Variants in TRIP12 observed in about 807,000 individuals in gnomAD.
The protein encoded by TRIP12 is E3 ubiquitin-protein ligase TRIP12.
TRIP12 carries 25 observed loss-of-function variants against 244.2 expected under a neutral mutation model. The observed-to-expected ratio is 0.10, with a 90% CI of 0.07 to 0.14. The LOEUF (loss-of-function observed/expected upper bound fraction) is 0.14. Ranked by LOEUF, TRIP12 falls within the 10% of genes least tolerant of loss-of-function variation. The pLI, the probability that TRIP12 is intolerant of heterozygous loss-of-function variation, is 1.00. For missense variants in TRIP12, 1,677 were observed against 2,486.4 expected, an observed-to-expected ratio of 0.67 and a Z score of 6.92; for synonymous variants, 905 against 873.1, an observed-to-expected ratio of 1.04 and a Z score of -0.64.
chr2:229,819,529 A>G (rs1439353531), intron 8 of TRIP12, among the ~76,000 whole-genome samples: 1 of 152,220 alleles, frequency 6.6e-6, no homozygotes, highest in Non-Finnish European at 1.5e-5. Context: ...TGGGCCACAG[A>G]CTGAGACTTC....
Position 229,778,300 on chromosome 2 carries a change from C to G in TRIP12, c.5364+133G>C. On this transcript the variant is annotated intron_variant, in intron 36 of 41. Coordinates refer to ENST00000675903, the MANE Select transcript of TRIP12 (RefSeq NM_001348323.3). This position sits in a 1 kb window ranked among gnomAD's most constrained non-coding sequence, Gnocchi z 4.1. The stretch of plus-strand genomic sequence containing the variant: ...AGAACCGGCATTTTTAACAAAATCC[C>G]CAAGTAATTCATATGTGTATTGAAG... 1.7e-6 allele frequency: 2 copies of G among 1,177,324 alleles called. No homozygotes were observed. The highest frequency in any genetic ancestry group is 2.4e-6 in the Non-Finnish European group (2 of 839,102). 72.9% of individuals were successfully genotyped at this position (1,177,324 alleles called of 1,614,324 possible). A position where few individuals can be genotyped will look rare whatever the true frequency, so the allele number is the denominator to read the frequency against.
chr2:229,851,848 G>GTT (rs2058770522), intron 4 of TRIP12, among the ~76,000 whole-genome samples: 1 of 152,156 alleles, frequency 6.6e-6, no homozygotes, highest in South Asian at 2.1e-4. Flanking sequence ...ACAAACTCCA[G>GTT]ACGCGCCACC....
At chr2:229,917,926 G>A (rs2075809170) in intron 1 of TRIP12, among the ~76,000 whole-genome samples, 1 of 151,814 alleles carries the variant, frequency 6.6e-6, no homozygotes, top group Non-Finnish European at 1.5e-5. Flanking sequence ...AGCCTCAAGC[G>A]ATCCTCCCAC....
chr2:229,840,754 T>A (rs1420861606), intron 5 of TRIP12, 68 bp downstream of exon 5: 2 of 1,093,218 alleles, frequency 1.8e-6, no homozygotes, highest in Admixed American at 5.4e-5. Context: ...GTTAAGTATT[T>A]TGATGAAAGT....
At chr2:229,804,751 T>C (rs1260703596) in intron 18 of TRIP12, among the ~76,000 whole-genome samples, 2 of 152,216 alleles carry the variant, frequency 1.3e-5, no homozygotes, top group Admixed American at 6.5e-5. Context: ...CCACCGGTTT[T>C]TGTAAATATA....
intron 21 of TRIP12, among the ~76,000 whole-genome samples, chr2:229,801,494 A>C (rs761405369): frequency 1.5e-4 from 23 of 152,230 alleles, no homozygotes; most frequent in Non-Finnish European, 2.6e-4. Context: ...TCAGTTTAAA[A>C]GGAGCCAGAA....
rs1425284180 is a variant in TRIP12 at position 229,802,384 on chromosome 2, C to T, written c.3074G>A (p.Gly1025Glu). Residue 1025 changes from glycine (G) to glutamate (E), a missense_variant, in exon 21 of 42, where the codon GGA becomes GAA. Transcript: ENST00000675903. ...AGTTGTGGATCCCATGGATCCCGAT[C>T]CATTCGTACATGCCTTTGGTGGACT... ...LTSPPKACTN[G>E]SGSMGSTTSV... 1 of 1,613,906 alleles carries T rather than the reference C, an allele frequency of 6.2e-7. No homozygotes were observed. Among genetic ancestry groups the T allele is most frequent in the Non-Finnish European group, 8.5e-7 (1 of 1,179,994 alleles).
intron 4 of TRIP12, among the ~76,000 whole-genome samples, chr2:229,844,561 T>C (rs1290739311): frequency 2.0e-5 from 3 of 152,178 alleles, no homozygotes; most frequent in Admixed American, 6.5e-5. Context: ...AATCAAAATA[T>C]AGTCTCCCCC....
At chr2:229,909,000 G>C (rs1200560258) in intron 1 of TRIP12, among the ~76,000 whole-genome samples, 1 of 145,416 alleles carries the variant, frequency 6.9e-6, no homozygotes, top group Non-Finnish European at 1.5e-5. Context: ...TGAGGCAGGA[G>C]AATCACCTGA....
At chr2:229,803,808 A>G in intron 19 of TRIP12, 119 bp from the exon 20 acceptor site, 2 of 902,760 alleles carry the variant, frequency 2.2e-6, no homozygotes, top group Non-Finnish European at 1.7e-6. Flanking sequence ...ATTAACATAA[A>G]CATTTTTCTT....
intron 6 of TRIP12, among the ~76,000 whole-genome samples, chr2:229,834,571 C>A (rs958093117): frequency 1.3e-5 from 2 of 152,132 alleles, no homozygotes; most frequent in Non-Finnish European, 1.5e-5. Flanking sequence ...AGCAGCCCGG[C>A]CAACATGGTG....
At chr2:229,779,101 G>C in intron 34 of TRIP12, 111 bp from the exon 35 acceptor site, 1 of 859,340 alleles carries the variant, frequency 1.2e-6, no homozygotes, top group East Asian at 2.5e-5. Flanking sequence ...GGATGCATTA[G>C]AGATTATTTT....
At chr2:229,785,735 C>T in intron 34 of TRIP12, 22 bp downstream of exon 34, 2 of 1,603,816 alleles carry the variant, frequency 1.2e-6, no homozygotes, top group Non-Finnish European at 1.7e-6. Context: ...GCTAAATAAC[C>T]ATCACCAGAC....
chr2:229,870,420 A>G (rs1311871647), intron 2 of TRIP12, among the ~76,000 whole-genome samples: 2 of 152,216 alleles, frequency 1.3e-5, no homozygotes, highest in Non-Finnish European at 2.9e-5. Context: ...GTAAGGACAG[A>G]TGAACAGAGA....
chr2:229,779,868 C>T (rs2037523047), intron 34 of TRIP12, among the ~76,000 whole-genome samples: 1 of 152,174 alleles, frequency 6.6e-6, no homozygotes, highest in African/African-American at 2.4e-5. Flanking sequence ...GTGTTCATAG[C>T]TTGCTCCTTC....
At chr2:229,921,168 T>G (rs990970434) in intron 1 of TRIP12, 1 of 152,306 alleles carries the variant, frequency 6.6e-6, no homozygotes, top group African/African-American at 2.4e-5. Flanking sequence ...TCCCTCAGCC[T>G]CAACTTCCCA....
intron 3 of TRIP12, among the ~76,000 whole-genome samples, 195 bp downstream of exon 3, chr2:229,860,211 T>C (rs943630381): frequency 6.6e-6 from 1 of 152,220 alleles, no homozygotes; most frequent in Non-Finnish European, 1.5e-5. Context: ...CATTTTATCA[T>C]TGACAAACTC....
intron 4 of TRIP12, among the ~76,000 whole-genome samples, chr2:229,851,745 G>C (rs761430827): frequency 5.9e-5 from 9 of 151,870 alleles, no homozygotes; most frequent in Non-Finnish European, 1.0e-4. Flanking sequence ...CTTAAGAACT[G>C]TAACACTCAC....
At chr2:229,849,958 C>G (rs1029105895) in intron 4 of TRIP12, among the ~76,000 whole-genome samples, 1 of 151,030 alleles carries the variant, frequency 6.6e-6, no homozygotes, top group Admixed American at 6.6e-5. Context: ...AGAGGTAGCC[C>G]TTGGTGAATG....
Sources: allele counts gnomAD v4.1 joint callset (sites outside exome capture counted in the v4.1 genomes callset), GRCh38; gene constraint gnomAD v4.1.1; non-coding constraint Gnocchi (gnomAD v3.1); transcripts MANE v1.5; gene names NCBI Gene and HGNC (gene_info 2026-07-23, HGNC 2026-07-21).